The following COL4A1 variants were observed in gnomAD, a reference collection of about 807,000 sequenced individuals.
COL4A1 encodes collagen type IV alpha 1 chain, also known as collagen alpha-1(IV) chain.
COL4A1 carries 40 observed loss-of-function variants against 216.6 expected under a neutral mutation model. That is an observed-to-expected ratio of 0.18 (90% CI 0.14 to 0.24). The LOEUF is 0.24. Among genes scored for constraint, COL4A1 ranks in the 10% least tolerant of loss-of-function variants. COL4A1 has a pLI of 1.00. For missense variants in COL4A1, 1,628 were observed against 2,196.8 expected (o/e 0.74, Z 5.18); for synonymous variants, 839 against 810.7 (o/e 1.03, Z -0.59).
intron 26 of COL4A1, 140 bp from the exon 27 acceptor site, chr13:110,183,416 T>C: frequency 7.7e-6 from 6 of 777,526 alleles, no homozygotes; most frequent in Non-Finnish European, 1.3e-5. Flanking sequence ...TCTGCCTGTG[T>C]TCTCCACTTC....
At chr13:110,302,371 T>C (rs1269924911) in intron 1 of COL4A1, among the ~76,000 whole-genome samples, 2 of 152,132 alleles carry the variant, frequency 1.3e-5, no homozygotes, top group Non-Finnish European at 1.5e-5. Context: ...TGTGAAGACG[T>C]TGAACTGGAG....
At chr13:110,203,114 G>A (rs993980028) in intron 18 of COL4A1, among the ~76,000 whole-genome samples, 1 of 152,052 alleles carries the variant, frequency 6.6e-6, no homozygotes, top group East Asian at 1.9e-4. Context: ...ACGGGGGGCT[G>A]AGATGGGAGA....
chr13:110,299,524 A>G (rs1884411586), intron 1 of COL4A1, among the ~76,000 whole-genome samples: 2 of 152,206 alleles, frequency 1.3e-5, no homozygotes, highest in African/African-American at 4.8e-5. Flanking sequence ...ACATTAACTC[A>G]CTTAATCCTT....
intron 43 of COL4A1, among the ~76,000 whole-genome samples, chr13:110,169,175 T>C (rs899045042): frequency 1.2e-4 from 19 of 152,188 alleles, no homozygotes; most frequent in African/African-American, 4.3e-4. Flanking sequence ...AGATGGAATA[T>C]TGCTGGTTAT....
chr13:110,239,493 T>C (rs1295484804), intron 2 of COL4A1, among the ~76,000 whole-genome samples: 2 of 152,222 alleles, frequency 1.3e-5, no homozygotes, highest in African/African-American at 4.8e-5. Context: ...CCTCCTACTG[T>C]CCTGTTTAAA....
intron 2 of COL4A1, among the ~76,000 whole-genome samples, chr13:110,228,889 G>A (rs1880876976): frequency 6.6e-6 from 1 of 152,172 alleles, no homozygotes; most frequent in Non-Finnish European, 1.5e-5. Flanking sequence ...TTAGCGAATG[G>A]AAAAAACCAC....
intron 2 of COL4A1, among the ~76,000 whole-genome samples, chr13:110,225,121 C>T (rs1880678012): frequency 6.6e-6 from 1 of 152,134 alleles, no homozygotes; most frequent in African/African-American, 2.4e-5. Context: ...GGGTCCCCAT[C>T]CTCTGAGTGG....
At chr13:110,158,798 A>G (rs1013212643) in intron 49 of COL4A1, among the ~76,000 whole-genome samples, 1 of 144,402 alleles carries the variant, frequency 6.9e-6, no homozygotes. Flanking sequence ...GCTGGAGTGC[A>G]ATGGTGCGAT....
At chr13:110,230,621 G>GCCCCCACCACA (rs1344873070) in intron 2 of COL4A1, among the ~76,000 whole-genome samples, 9 of 152,216 alleles carry the variant, frequency 5.9e-5, no homozygotes, top group African/African-American at 1.9e-4. Flanking sequence ...TGCACCTCCG[G>GCCCCCACCACA]CCCCCACCAC....
intron 1 of COL4A1, among the ~76,000 whole-genome samples, chr13:110,287,471 C>G (rs946483324): frequency 6.6e-6 from 1 of 152,200 alleles, no homozygotes; most frequent in African/African-American, 2.4e-5. Context: ...ACCACCACAG[C>G]CAAGACTCGG....
chr13:110,203,004 G>A (rs1201823741), intron 18 of COL4A1, among the ~76,000 whole-genome samples: 1 of 152,164 alleles, frequency 6.6e-6, no homozygotes, highest in Non-Finnish European at 1.5e-5. Flanking sequence ...CCTGAGATCA[G>A]GAGTTCGAGA....
At position 110,152,467 on chromosome 13, in the gene COL4A1, C is replaced by T. The variant is rs751674518; in HGVS notation, c.4795G>A (p.Ala1599Thr). Residue 1599 changes from alanine to threonine, a missense_variant, in exon 51 of 52, where the codon GCG (alanine) becomes ACG (threonine). By Grantham distance (58) the Ala-to-Thr change is moderately conservative. Transcript: ENST00000375820. ...AGAEGSGQAL[A>T]SPGSCLEEFR... ...TCCTCCAGGCAGGAGCCGGGGGACG[C>T]CAGGGCTTGGCCAGAGCCTTCTGCA... 6.2e-6 allele frequency: 10 copies of T among 1,613,758 alleles called. No homozygotes were observed. The highest frequency in any genetic ancestry group is 7.6e-6 in the Non-Finnish European group (9 of 1,180,018).
chr13:110,212,948 C>A (rs547456105), intron 4 of COL4A1, among the ~76,000 whole-genome samples: 1 of 152,290 alleles, frequency 6.6e-6, no homozygotes, highest in South Asian at 2.1e-4. Flanking sequence ...CAACAAGGAA[C>A]AAAATGATGT....
At position 110,155,263 on chromosome 13, in the gene COL4A1, G is replaced by T; in HGVS notation, c.4755+20C>A. The T allele has an allele frequency of 6.3e-7, 1 of 1,579,886 alleles. No individual in the cohort carries two copies. Among genetic ancestry groups the T allele is most frequent in the Non-Finnish European group, 8.7e-7 (1 of 1,148,722 alleles). ...AGTGGGGCTCTTCCCGGGAAATATG[G>T]CGTCTCCCCAGACACTTACCATCAC... On this transcript the variant is annotated intron_variant, in intron 50 of 51. Coordinates refer to ENST00000375820, the MANE Select transcript of COL4A1 (RefSeq NM_001845.6).
chr13:110,211,928 G>C lies in COL4A1; in HGVS notation c.388-6C>G. The C allele has an allele frequency of 6.2e-7, 1 of 1,614,108 alleles. No individual in the cohort carries two copies. The highest frequency in any genetic ancestry group is 8.5e-7 in the Non-Finnish European group (1 of 1,179,990). ...CCGAGCGGCCCTCTCTCCCCCTGGG[G>C]AGACAGCAGAGCATCATTCATACGC... On this transcript the variant is annotated splice_polypyrimidine_tract_variant and splice_region_variant and intron_variant, in intron 6 of 51. Transcript: ENST00000375820. The surrounding 1 kb of genome is among the most constrained non-coding windows in gnomAD (Gnocchi z 4.3).
intron 2 of COL4A1, among the ~76,000 whole-genome samples, chr13:110,219,880 A>ATATATATG (rs1566385989): frequency 0.045 from 4,512 of 101,118 alleles, 234 homozygotes; most frequent in East Asian, 0.17. Context: ...GTATATATGT[A>ATATATATG]TATATATGTG....
intron 2 of COL4A1, among the ~76,000 whole-genome samples, chr13:110,238,183 G>T (rs984275975): frequency 6.6e-6 from 1 of 152,180 alleles, no homozygotes; most frequent in African/African-American, 2.4e-5. Flanking sequence ...TCTTTGCTGA[G>T]GATCTGGGTA....
At chr13:110,285,363 G>A (rs766173610) in intron 1 of COL4A1, among the ~76,000 whole-genome samples, 10 of 152,222 alleles carry the variant, frequency 6.6e-5, no homozygotes, top group African/African-American at 9.6e-5. Context: ...GTGAATCCGT[G>A]AATACAGAGT....
At chr13:110,305,010 AG>A (rs1006654448) in intron 1 of COL4A1, among the ~76,000 whole-genome samples, 11 of 152,228 alleles carry the variant, frequency 7.2e-5, no homozygotes, top group Non-Finnish European at 1.2e-4. Flanking sequence ...TTTTGGAAGG[AG>A]GTAAGCCAAA....
Sources: gnomAD v4.1 joint callset for allele counts (sites outside exome capture counted in the v4.1 genomes callset) on GRCh38, gnomAD v4.1.1 for gene constraint, Gnocchi (gnomAD v3.1) non-coding constraint, MANE v1.5 for transcripts, NCBI Gene and HGNC (gene_info 2026-07-23, HGNC 2026-07-21) for gene names.